ITGA9: variants seen among roughly 807,000 people sequenced by gnomAD.
The protein encoded by ITGA9 is integrin alpha-9.
In ITGA9, 56 loss-of-function variants were observed where a neutral mutation model predicts 127.8. That is an observed-to-expected ratio of 0.44 (90% confidence interval 0.35 to 0.55). The LOEUF (loss-of-function observed/expected upper bound fraction) is 0.55, where lower values mean the gene tolerates loss of function less well. Among genes scored for constraint, ITGA9 ranks in the 20% least tolerant of loss-of-function variants. The pLI, the probability that ITGA9 is intolerant of heterozygous loss-of-function variation, is 0.00. For missense variants in ITGA9, 1,196 were observed against 1,347.1 expected (o/e 0.89, Z 1.76); for synonymous variants, 508 against 514.5 (o/e 0.99, Z 0.17).
At chr3:37,645,224 G>C (rs1414832653) in intron 16 of ITGA9, among the ~76,000 whole-genome samples, 1 of 152,170 alleles carries the variant, frequency 6.6e-6, no homozygotes, top group Non-Finnish European at 1.5e-5. Flanking sequence ...CAGACAGGAT[G>C]CTTCACCATA....
rs538008954 is a variant in ITGA9 at position 37,754,235 on chromosome 3, G to C, written c.2541+3666G>C. On this transcript the variant is annotated intron_variant, in intron 23 of 27. Transcript: ENST00000264741. Reference sequence around the variant, plus strand: ...TAAGTTTTACTCACAATTTCTGAAGGTTCAATGGAAGAGATGGGAGCTTTA... The same window carrying C: ...TAAGTTTTACTCACAATTTCTGAAGCTTCAATGGAAGAGATGGGAGCTTTA... 7.9e-5 allele frequency among the ~76,000 whole-genome samples: 12 copies of C among 152,294 alleles called. No individual in the cohort carries two copies. The South Asian group carries it at 2.3e-3, about 29-fold the overall frequency.
chr3:37,608,152 G>T (rs1046888853), intron 15 of ITGA9, among the ~76,000 whole-genome samples: 4 of 152,098 alleles, frequency 2.6e-5, no homozygotes, highest in Non-Finnish European at 5.9e-5. Flanking sequence ...TACTCTTTAT[G>T]GCTATATTTC....
chr3:37,713,133 A>T (rs991037063), intron 18 of ITGA9, among the ~76,000 whole-genome samples: 9 of 152,006 alleles, frequency 5.9e-5, no homozygotes, highest in African/African-American at 2.2e-4. Context: ...CTGGATTAAA[A>T]CCCCACCAAC....
At position 37,697,307 on chromosome 3, in the gene ITGA9, G is replaced by GTTA. The variant is rs143332603; in HGVS notation, c.2067+13336_2067+13338dup. 4.2e-3 allele frequency among the ~76,000 whole-genome samples: 608 copies of GTTA among 143,654 alleles called. 1 individual carries two copies. Among genetic ancestry groups the GTTA allele is most frequent in the African/African-American group, 6.3e-3 (246 of 39,104 alleles). 94.2% of individuals were successfully genotyped at this position (143,654 alleles called of 152,430 possible). A position where few individuals can be genotyped will look rare whatever the true frequency, so the allele number is the denominator to read the frequency against. On this transcript the variant is annotated intron_variant, in intron 18 of 27. Transcript: ENST00000264741. ...ATTAGTACAAATAACGACTACTTCT[G>GTTA]TTATTATTATTATTATTATTATTAT...
At chr3:37,674,814 A>G (rs1023873076) in intron 17 of ITGA9, among the ~76,000 whole-genome samples, 4 of 152,214 alleles carry the variant, frequency 2.6e-5, no homozygotes, top group Non-Finnish European at 5.9e-5. Flanking sequence ...ATCAGTAGAA[A>G]TTGAGGCTAT....
intron 13 of ITGA9, among the ~76,000 whole-genome samples, chr3:37,530,774 C>T (rs1412791406): frequency 6.8e-5 from 6 of 88,550 alleles, no homozygotes; most frequent in Non-Finnish European, 1.2e-4. Context: ...TTTTTTGAGA[C>T]GGAGTCTCCC....
At chr3:37,684,332 GCA>G (rs1700761527) in intron 18 of ITGA9, among the ~76,000 whole-genome samples, 1 of 152,158 alleles carries the variant, frequency 6.6e-6, no homozygotes. Context: ...GCTGTCTCCA[GCA>G]CACACATGTT....
intron 27 of ITGA9, among the ~76,000 whole-genome samples, chr3:37,816,459 A>G (rs1697434051): frequency 6.6e-6 from 1 of 152,170 alleles, no homozygotes; most frequent in Admixed American, 6.5e-5. Flanking sequence ...ATTCTCCTTC[A>G]TGGCATGTGA....
At chr3:37,566,982 C>T (rs1261091800) in intron 15 of ITGA9, among the ~76,000 whole-genome samples, 1 of 152,150 alleles carries the variant, frequency 6.6e-6, no homozygotes, top group Non-Finnish European at 1.5e-5. Context: ...TTCCTGGGTT[C>T]TGCTTTCATT....
intron 17 of ITGA9, among the ~76,000 whole-genome samples, chr3:37,656,675 C>A (rs543174273): frequency 4.6e-5 from 7 of 152,224 alleles, no homozygotes; most frequent in Admixed American, 2.0e-4. Context: ...ATTTGAATAC[C>A]CTTTTTTTCC....
intron 25 of ITGA9, among the ~76,000 whole-genome samples, 160 bp from the exon 26 acceptor site, chr3:37,784,817 G>A (rs1050833995): frequency 2.0e-5 from 3 of 152,184 alleles, no homozygotes; most frequent in Admixed American, 1.3e-4. Flanking sequence ...CCTAGTCTGT[G>A]TTTATGTGGG....
intron 15 of ITGA9, among the ~76,000 whole-genome samples, chr3:37,579,196 T>G (rs1699680364): frequency 6.6e-6 from 1 of 152,140 alleles, no homozygotes; most frequent in Non-Finnish European, 1.5e-5. Flanking sequence ...TCAAGCCAAG[T>G]CAAATTGCAT....
At chr3:37,810,257 A>G (rs775263214) in intron 27 of ITGA9, among the ~76,000 whole-genome samples, 1 of 152,230 alleles carries the variant, frequency 6.6e-6, no homozygotes, top group Non-Finnish European at 1.5e-5. Context: ...GCAGCTGGCC[A>G]TGCCGCCGCA....
At chr3:37,513,922 G>A (rs771958022) in intron 9 of ITGA9, 22 bp downstream of exon 9, 60 of 1,612,450 alleles carry the variant, frequency 3.7e-5, no homozygotes, top group Non-Finnish European at 4.4e-5. Context: ...ACTGGGCAAT[G>A]TGCGGATGGG....
intron 23 of ITGA9, among the ~76,000 whole-genome samples, chr3:37,766,808 G>A (rs1696784745): frequency 6.6e-6 from 1 of 152,176 alleles, no homozygotes; most frequent in African/African-American, 2.4e-5. Context: ...TGGTATGCAT[G>A]TCAAGTGCTC....
Position 37,615,655 on chromosome 3 carries a change from G to A in ITGA9, c.1690-13532G>A, listed in dbSNP as rs186690399. ...GCCTCAATTTCAGAGCCTGTTATTGGTCTATTCAGAGATTCAACTTCTTCC... is the reference window on the plus strand; with the variant it reads ...GCCTCAATTTCAGAGCCTGTTATTGATCTATTCAGAGATTCAACTTCTTCC... On this transcript the variant is annotated intron_variant, in intron 15 of 27. Transcript: ENST00000264741. 6.6e-4 allele frequency among the ~76,000 whole-genome samples: 100 copies of A among 152,300 alleles called. No homozygotes were observed. The East Asian group carries it at 0.019, about 28-fold the overall frequency.
intron 26 of ITGA9, among the ~76,000 whole-genome samples, chr3:37,785,305 G>A (rs965404315): frequency 2.0e-5 from 3 of 152,176 alleles, no homozygotes; most frequent in Non-Finnish European, 4.4e-5. Context: ...TTATGTGAAT[G>A]TTTCCTGCTA....
intron 4 of ITGA9, among the ~76,000 whole-genome samples, chr3:37,492,505 G>A (rs1579062057): frequency 6.6e-6 from 1 of 152,224 alleles, no homozygotes; most frequent in Admixed American, 6.5e-5. Context: ...TCGGAAACCC[G>A]AGGTCCTGCT....
At chr3:37,686,893 C>T (rs1267787719) in intron 18 of ITGA9, among the ~76,000 whole-genome samples, 2 of 152,134 alleles carry the variant, frequency 1.3e-5, no homozygotes, top group Non-Finnish European at 2.9e-5. Context: ...TCACCCAGCA[C>T]CGGGTAGGAT....
Sources: gnomAD v4.1 joint callset for allele counts (sites outside exome capture counted in the v4.1 genomes callset) on GRCh38, gnomAD v4.1.1 for gene constraint, MANE v1.5 for transcripts, NCBI Gene and HGNC (gene_info 2026-07-23, HGNC 2026-07-21) for gene names.